IL1RAPL1: variants seen among roughly 807,000 people sequenced by gnomAD.
IL1RAPL1 encodes the protein interleukin 1 receptor accessory protein like 1.
Under a neutral mutation model 48.4 loss-of-function variants are expected in IL1RAPL1, and 3 were observed. The observed-to-expected ratio is 0.06, with a 90% CI of 0.03 to 0.16. IL1RAPL1 has a LOEUF of 0.16. Among genes scored for constraint, IL1RAPL1 ranks in the 10% least tolerant of loss-of-function variants. IL1RAPL1 has a pLI of 1.00. For synonymous variants in IL1RAPL1, 185 were observed against 187.7 expected (o/e 0.99, Z 0.12); for missense variants, 349 against 530.6 (o/e 0.66, Z 3.36).
At chrX:29,147,356 A>G (rs1435141477) in intron 2 of IL1RAPL1, among the ~76,000 whole-genome samples, 1 of 112,047 alleles carries the variant, frequency 8.9e-6, no homozygotes, top group African/African-American at 3.2e-5. Flanking sequence ...ATTCTGATTC[A>G]AATATCTGTA....
intron 1 of IL1RAPL1, among the ~76,000 whole-genome samples, chrX:28,720,291 C>G (rs941287561): frequency 3.8e-4 from 42 of 111,289 alleles, no homozygotes; most frequent in African/African-American, 1.2e-3. Flanking sequence ...CACACATGCT[C>G]CTAATGATTT....
At chrX:29,563,356 C>G (rs1922302041) in intron 5 of IL1RAPL1, among the ~76,000 whole-genome samples, 1 of 111,732 alleles carries the variant, frequency 8.9e-6, no homozygotes, top group Admixed American at 9.5e-5. Context: ...TTACTCAGAG[C>G]TTTTTATTCA....
chrX:29,508,432 T>C (rs1935359202), intron 5 of IL1RAPL1, among the ~76,000 whole-genome samples: 1 of 112,094 alleles, frequency 8.9e-6, no homozygotes, highest in Non-Finnish European at 1.9e-5. Flanking sequence ...ATTATTTTTG[T>C]AAGATATTTT....
At chrX:29,495,895 G>C (rs1569323954) in intron 5 of IL1RAPL1, among the ~76,000 whole-genome samples, 1 of 109,378 alleles carries the variant, frequency 9.1e-6, no homozygotes. Flanking sequence ...CTCTCTCTCT[G>C]TCTGTCTGTC....
At chrX:28,959,909 A>G (rs1168225172) in intron 2 of IL1RAPL1, among the ~76,000 whole-genome samples, 1 of 112,091 alleles carries the variant, frequency 8.9e-6, no homozygotes, top group Non-Finnish European at 1.9e-5. Flanking sequence ...CATTTATTTA[A>G]TAAATGAAAT....
chrX:29,714,980 AG>A (rs1157549241), intron 6 of IL1RAPL1, among the ~76,000 whole-genome samples: 1 of 112,044 alleles, frequency 8.9e-6, no homozygotes, highest in African/African-American at 3.2e-5. Flanking sequence ...CTATCCAAAC[AG>A]GTATCAGATC....
chrX:28,744,077 T>C lies in IL1RAPL1; in HGVS notation c.-24-45243T>C, dbSNP rs193068396. 1.8e-3 allele frequency among the ~76,000 whole-genome samples: 199 copies of C among 111,315 alleles called. 1 individual carries two copies. Among genetic ancestry groups the C allele is most frequent in the Admixed American group, 3.8e-3 (39 of 10,345 alleles). On this transcript the variant is annotated intron_variant, in intron 1 of 10. Transcript: ENST00000378993. ...TTATTTCCCTCTCTTCTTTCCTCCC[T>C]CCCCTTCTTCTGCCTTCCTTTCTGT...
intron 6 of IL1RAPL1, among the ~76,000 whole-genome samples, chrX:29,900,414 C>T (rs189685018): frequency 2.7e-5 from 3 of 112,198 alleles, no homozygotes. Context: ...GAGAGGATAA[C>T]TCATTAAAGT....
At chrX:29,304,724 G>A (rs751923075) in intron 3 of IL1RAPL1, among the ~76,000 whole-genome samples, 32 of 112,526 alleles carry the variant, frequency 2.8e-4, no homozygotes, top group Non-Finnish European at 5.4e-4. Flanking sequence ...CACTTGAAAA[G>A]ATAAGAGAAA....
At chrX:29,149,182 C>T (rs1368896937) in intron 2 of IL1RAPL1, among the ~76,000 whole-genome samples, 1 of 110,433 alleles carries the variant, frequency 9.1e-6, no homozygotes, top group East Asian at 2.8e-4. Flanking sequence ...TTAATTCAGT[C>T]GTGCTAAGCA....
At chrX:29,323,120 T>A (rs1006637074) in intron 3 of IL1RAPL1, among the ~76,000 whole-genome samples, 2 of 112,043 alleles carry the variant, frequency 1.8e-5, no homozygotes, top group African/African-American at 3.2e-5. Flanking sequence ...TTCACTTGCA[T>A]CCTTGATTTT....
Position 28,986,569 on chromosome X carries a change from C to T in IL1RAPL1, c.82+197144C>T, listed in dbSNP as rs182126086. Among the ~76,000 whole-genome samples the T allele has an allele frequency of 9.8e-5, 11 of 112,069 alleles. No individual in the cohort carries two copies. In the East Asian group the frequency reaches 1.1e-3, roughly 11 times the overall value. On this transcript the variant is annotated intron_variant, in intron 2 of 10. Coordinates refer to ENST00000378993, the MANE Select transcript of IL1RAPL1 (RefSeq NM_014271.4). ...TTATCAGTGTTTTTGGTTGGATCAT[C>T]ACAAAAGTGGGTTCTTCCTTCACTT...
chrX:28,803,543 A>G (rs1388635384), intron 2 of IL1RAPL1, among the ~76,000 whole-genome samples: 1 of 111,934 alleles, frequency 8.9e-6, no homozygotes, highest in African/African-American at 3.2e-5. Context: ...AAAATTTTCA[A>G]AGGGTCTTAA....
intron 1 of IL1RAPL1, among the ~76,000 whole-genome samples, chrX:28,639,635 G>A (rs186795865): frequency 1.2e-4 from 13 of 111,363 alleles, no homozygotes; most frequent in Admixed American, 1.1e-3. Flanking sequence ...ATTTATTAAG[G>A]AAGTACTCAC....
chrX:29,668,033 A>T (rs1182652169), intron 5 of IL1RAPL1, among the ~76,000 whole-genome samples: 2 of 112,334 alleles, frequency 1.8e-5, no homozygotes, highest in Admixed American at 9.4e-5. Context: ...TTATGCCAAA[A>T]AAAATCATTG....
rs1933169301 is a variant in IL1RAPL1 at position 29,943,564 on chromosome X, T to C, written c.1201+1770T>C. 1.8e-5 allele frequency among the ~76,000 whole-genome samples: 2 copies of C among 112,232 alleles called. 1 individual carries two copies. The highest frequency in any genetic ancestry group is 7.4e-4 in the South Asian group (2 of 2,705). ...TTTTTTAAATTTAGTATGTTCAGTA[T>C]CATCTAAAGATCTACTGTTGTTTGC... On this transcript the variant is annotated intron_variant, in intron 9 of 10. Transcript: ENST00000378993.
chrX:29,251,979 A>T (rs934366444), intron 2 of IL1RAPL1, among the ~76,000 whole-genome samples: 6 of 109,088 alleles, frequency 5.5e-5, no homozygotes, highest in Non-Finnish European at 1.1e-4. Context: ...CATGGATGAA[A>T]TTGGAAATCA....
At chrX:28,760,837 C>T (rs911015793) in intron 1 of IL1RAPL1, among the ~76,000 whole-genome samples, 42 of 110,651 alleles carry the variant, frequency 3.8e-4, no homozygotes, top group Non-Finnish European at 1.3e-4. Context: ...CCTGTAATCC[C>T]AGCACTTTGG....
intron 2 of IL1RAPL1, among the ~76,000 whole-genome samples, chrX:28,982,643 G>A (rs1219508110): frequency 9.0e-6 from 1 of 111,283 alleles, no homozygotes; most frequent in African/African-American, 3.3e-5. Context: ...TTGCCTACAG[G>A]CAAAGGGAGA....
Sources: allele counts gnomAD v4.1 joint callset (sites outside exome capture counted in the v4.1 genomes callset), GRCh38; gene constraint gnomAD v4.1.1; transcripts MANE v1.5; gene names NCBI Gene and HGNC (gene_info 2026-07-23, HGNC 2026-07-21).